Variants in PAX7 observed in about 807,000 individuals in gnomAD.
PAX7 encodes the protein paired box 7, also known as paired box protein Pax-7.
In PAX7, 18 loss-of-function variants were observed where a neutral mutation model predicts 50.7. The ratio of observed to expected loss-of-function variants is 0.36; its 90% CI spans 0.25 to 0.53. The LOEUF is 0.53. PAX7 is among the 20% of genes least tolerant of loss of function. The probability of loss-of-function intolerance (pLI) is 0.93; values close to 1 mark genes in which losing one functional copy is unlikely to be tolerated. For synonymous variants in PAX7, 310 were observed against 290.4 expected (o/e 1.07, Z -0.69); for missense variants, 644 against 702.9 (o/e 0.92, Z 0.95).
At chr1:18,673,318 TC>T (rs2088779279) in intron 4 of PAX7, among the ~76,000 whole-genome samples, 1 of 152,178 alleles carries the variant, frequency 6.6e-6, no homozygotes, top group Non-Finnish European at 1.5e-5. Flanking sequence ...CACTGTTTTA[TC>T]CCCATGGAGA....
At position 18,735,764 on chromosome 1, in the gene PAX7, A is replaced by T. The variant is rs1319916446; in HGVS notation, c.1288A>T (p.Ile430Phe). The T allele has an allele frequency of 1.9e-6, 3 of 1,613,952 alleles. No homozygotes were observed. Among genetic ancestry groups the T allele is most frequent in the Non-Finnish European group, 2.5e-6 (3 of 1,180,014 alleles). ...CAGCTGCAGCCAGCGGGCCGACTCC[A>T]TCAAGCCAGGAGACAGCCTGCCCAC... ...SASCSQRADS[I>F]KPGDSLPTSQ... Residue 430 changes from isoleucine (I) to phenylalanine (F), a missense_variant, in exon 8 of 9, where the codon ATC becomes TTC. Coordinates refer to ENST00000420770, the MANE Select transcript of PAX7 (RefSeq NM_001135254.2). This position sits in a 1 kb window ranked among gnomAD's most constrained non-coding sequence, Gnocchi z 4.0.
At chr1:18,681,691 ATTTATTTTAT>A (rs202204301) in intron 4 of PAX7, among the ~76,000 whole-genome samples, 3,841 of 138,056 alleles carry the variant, frequency 0.028, 56 homozygotes, top group South Asian at 0.062. Context: ...AGGGCTTAGA[ATTTATTTTAT>A]TTTATTTTAT....
At chr1:18,648,955 G>A (rs2088390211) in intron 4 of PAX7, among the ~76,000 whole-genome samples, 1 of 152,186 alleles carries the variant, frequency 6.6e-6, no homozygotes. Context: ...AGGTGGAAGA[G>A]GAGGAAAGCA....
chr1:18,699,804 G>T (rs2282700), intron 5 of PAX7, among the ~76,000 whole-genome samples: 1 of 151,732 alleles, frequency 6.6e-6, no homozygotes, highest in African/African-American at 2.4e-5. Flanking sequence ...CTCGTGATCC[G>T]CCCGCCTCGG....
At chr1:18,666,868 A>G (rs572866585) in intron 4 of PAX7, among the ~76,000 whole-genome samples, 2 of 152,314 alleles carry the variant, frequency 1.3e-5, no homozygotes, top group Admixed American at 6.5e-5. Context: ...AGAGAAAAGG[A>G]AGTGGGATTG....
chr1:18,687,570 G>A (rs539852306), intron 4 of PAX7, among the ~76,000 whole-genome samples: 73 of 152,220 alleles, frequency 4.8e-4, no homozygotes, highest in Non-Finnish European at 9.6e-4. Flanking sequence ...GGCTGGCACA[G>A]AGGTTTCTAA....
intron 4 of PAX7, among the ~76,000 whole-genome samples, chr1:18,638,903 C>T (rs1303401742): frequency 2.0e-5 from 3 of 152,146 alleles, no homozygotes; most frequent in South Asian, 2.1e-4. Flanking sequence ...AATCTCCATC[C>T]GAGTAATCCA....
intron 7 of PAX7, among the ~76,000 whole-genome samples, chr1:18,713,418 C>T (rs897628648): frequency 2.0e-5 from 3 of 152,170 alleles, no homozygotes; most frequent in Non-Finnish European, 2.9e-5. Context: ...TTGGGCAACC[C>T]GCAGGCATAC....
intron 3 of PAX7, among the ~76,000 whole-genome samples, chr1:18,635,688 G>T (rs1373963177): frequency 6.6e-6 from 1 of 152,078 alleles, no homozygotes; most frequent in African/African-American, 2.4e-5. Context: ...GATGCCCATG[G>T]GCTTCCCTAG....
Position 18,731,126 on chromosome 1 carries a change from G to A in PAX7, c.1156-4506G>A, listed in dbSNP as rs150893653. 4.9e-3 allele frequency among the ~76,000 whole-genome samples: 753 copies of A among 152,314 alleles called. 6 individuals are homozygous for A. Among genetic ancestry groups the A allele is most frequent in the African/African-American group, 0.013 (537 of 41,574 alleles). On this transcript the variant is annotated intron_variant, in intron 7 of 8. Coordinates refer to ENST00000420770, the MANE Select transcript of PAX7 (RefSeq NM_001135254.2). ...ACCAGGAAAAAAGTAAAATCTACCC[G>A]GGGAGAGGCCTTAGCATTCTTGAGA...
intron 7 of PAX7, among the ~76,000 whole-genome samples, chr1:18,707,411 C>CTTTTTTTTTTTTTTTTTTTTTT (rs71575894): frequency 6.6e-5 from 6 of 91,216 alleles, no homozygotes; most frequent in Non-Finnish European, 8.5e-5. Context: ...TTCTTTTTTT[C>CTTTTTTTTTTTTTTTTTTTTTT]TTTCTTTTTT....
At chr1:18,706,065 C>A (rs2089279368) in intron 7 of PAX7, among the ~76,000 whole-genome samples, 1 of 152,160 alleles carries the variant, frequency 6.6e-6, no homozygotes, top group South Asian at 2.1e-4. Flanking sequence ...GTGCAGCGAG[C>A]AGGGCGGGAG....
intron 7 of PAX7, among the ~76,000 whole-genome samples, chr1:18,718,923 A>G (rs1045771502): frequency 6.6e-6 from 1 of 152,098 alleles, no homozygotes; most frequent in African/African-American, 2.4e-5. Flanking sequence ...TACAGGCATG[A>G]GCCACGGCAC....
intron 4 of PAX7, among the ~76,000 whole-genome samples, chr1:18,677,143 T>A (rs2088835335): frequency 6.6e-6 from 1 of 152,234 alleles, no homozygotes; most frequent in Non-Finnish European, 1.5e-5. Flanking sequence ...TAATCTGGCA[T>A]TCCTGGAGGC....
chr1:18,712,985 G>C (rs1247929052), intron 7 of PAX7, among the ~76,000 whole-genome samples: 1 of 152,198 alleles, frequency 6.6e-6, no homozygotes, highest in Admixed American at 6.5e-5. Flanking sequence ...GGGAGGCTGA[G>C]GGGGGAGGAT....
intron 7 of PAX7, among the ~76,000 whole-genome samples, chr1:18,720,891 G>T (rs900205091): frequency 3.3e-5 from 5 of 152,160 alleles, no homozygotes; most frequent in Middle Eastern, 3.4e-3. Flanking sequence ...ATGGAGGGGG[G>T]ACCCAGAGCT....
At chr1:18,731,953 T>C (rs1389354874) in intron 7 of PAX7, among the ~76,000 whole-genome samples, 1 of 152,146 alleles carries the variant, frequency 6.6e-6, no homozygotes, top group Non-Finnish European at 1.5e-5. Flanking sequence ...TCCTGGAATT[T>C]TTACTCTCCG....
intron 4 of PAX7, among the ~76,000 whole-genome samples, chr1:18,643,092 G>T (rs2088282184): frequency 6.6e-6 from 1 of 152,198 alleles, no homozygotes; most frequent in Admixed American, 6.5e-5. Flanking sequence ...GGGGTGAAGG[G>T]AAGTTGTGTG....
intron 7 of PAX7, 66 bp downstream of exon 7, chr1:18,703,362 C>A: frequency 7.0e-7 from 1 of 1,431,120 alleles, no homozygotes; most frequent in Non-Finnish European, 9.8e-7. Flanking sequence ...GCAGACAGCA[C>A]GTGGGTGGAA....
Sources: gnomAD v4.1 joint callset for allele counts (sites outside exome capture counted in the v4.1 genomes callset) on GRCh38, gnomAD v4.1.1 for gene constraint, Gnocchi (gnomAD v3.1) non-coding constraint, MANE v1.5 for transcripts, NCBI Gene and HGNC (gene_info 2026-07-23, HGNC 2026-07-21) for gene names.